PPL: variants seen among roughly 807,000 people sequenced by gnomAD.
The protein encoded by PPL is 190 kDa paraneoplastic pemphigus antigen.
In PPL, 198 loss-of-function variants were observed where a neutral mutation model predicts 194.4. The ratio of observed to expected loss-of-function variants is 1.02; its 90% CI spans 0.91 to 1.15. PPL has a LOEUF of 1.15. PPL is among the 50% of genes most tolerant of loss of function. The pLI is 0.00. For synonymous variants in PPL, 1,220 were observed against 972.4 expected (o/e 1.25, Z -4.74); for missense variants, 2,885 against 2,294.8 (o/e 1.26, Z -5.25).
At chr16:4,896,945 G>A (rs1313102804) in intron 9 of PPL, among the ~76,000 whole-genome samples, 3 of 151,950 alleles carry the variant, frequency 2.0e-5, no homozygotes, top group Admixed American at 6.6e-5. Flanking sequence ...AGGGTATAGG[G>A]TTTCTGTTTG....
intron 2 of PPL, among the ~76,000 whole-genome samples, chr16:4,905,781 A>G (rs1406424844): frequency 6.6e-6 from 1 of 152,100 alleles, no homozygotes; most frequent in East Asian, 1.9e-4. Context: ...CTGACTCCCC[A>G]GGGGGTTGGA....
In PPL at chr16:4,884,614, C is replaced by T. The variant is rs139572371; in HGVS notation, c.4041G>A (p.Lys1347=). The T allele has an allele frequency of 1.5e-5, 25 of 1,614,054 alleles. No individual in the cohort carries two copies. The African/African-American group carries it at 3.2e-4, about 21-fold the overall frequency. ...CCACCTCCTGCTGCACCACCCTTTC[C>T]TTCACCCGCGAGAGCTCCTCCTCTT... is the stretch of plus-strand genomic sequence containing the variant. ...ARKEEELSRV[K]ERVVQQEVVR... The change falls in exon 22 of 22, where the codon AAG becomes AAA. Residue 1347 remains lysine, a synonymous_variant. Coordinates refer to ENST00000345988, the MANE Select transcript of PPL (RefSeq NM_002705.5). The surrounding 1 kb of genome is among the most constrained non-coding windows in gnomAD (Gnocchi z 5.7).
chr16:4,920,333 AAGAG>A (rs1162923677), intron 1 of PPL, among the ~76,000 whole-genome samples: 8 of 73,660 alleles, frequency 1.1e-4, no homozygotes, highest in Non-Finnish European at 1.5e-4. Context: ...GAAAGAAAGA[AAGAG>A]AGAGAGAGAG....
chr16:4,885,681 A>G lies in PPL; in HGVS notation c.2974T>C (p.Tyr992His), dbSNP rs1254855794. Residue 992 changes from tyrosine (Y) to histidine (H), a missense_variant, in exon 22 of 22, where the codon TAC (tyrosine) becomes CAC (histidine). Physicochemically the swap from Tyr to His is moderately conservative, Grantham distance 83. Coordinates refer to ENST00000345988, the MANE Select transcript of PPL (RefSeq NM_002705.5). This position sits in a 1 kb window ranked among gnomAD's most constrained non-coding sequence, Gnocchi z 6.3. ...ATGCGCAGGACCTCCTTGACCACGT[A>G]CTCCTGCCCCCCGTCTCTGGTCTCC... ...EQETRDGGQE[Y>H]VVKEVLRIEP... is the part of the protein sequence containing the mutation. The G allele has an allele frequency of 1.2e-6, 2 of 1,609,128 alleles. No homozygotes were observed. Among genetic ancestry groups the G allele is most frequent in the African/African-American group, 1.4e-5 (1 of 73,184 alleles).
chr16:4,899,941 C>T (rs1253217531), intron 6 of PPL, among the ~76,000 whole-genome samples: 1 of 152,148 alleles, frequency 6.6e-6, no homozygotes, highest in East Asian at 1.9e-4. Flanking sequence ...CCCTCCACGC[C>T]TGATGAACTT....
chr16:4,885,508 C>T lies in PPL; in HGVS notation c.3147G>A (p.Gln1049=). ...AALAEEKSRA[Q]EKVTEKEVVK... ...CCACCTCTTTCTCTGTGACCTTCTCCTGCGCCCGGCTCTTCTCTTCAGCCA... is the reference window on the plus strand; with the variant it reads ...CCACCTCTTTCTCTGTGACCTTCTCTTGCGCCCGGCTCTTCTCTTCAGCCA... Residue 1049 remains glutamine (Q), a synonymous_variant, in exon 22 of 22, where the codon CAG becomes CAA. Coordinates refer to ENST00000345988, the MANE Select transcript of PPL (RefSeq NM_002705.5). The surrounding 1 kb of genome is among the most constrained non-coding windows in gnomAD (Gnocchi z 6.3). 1 of 1,611,530 alleles carries T rather than the reference C, an allele frequency of 6.2e-7. No homozygotes were observed. Among genetic ancestry groups the T allele is most frequent in the South Asian group, 1.1e-5 (1 of 91,074 alleles).
chr16:4,884,369 G>A lies in PPL; in HGVS notation c.4286C>T (p.Ala1429Val), dbSNP rs755541914. The A allele has an allele frequency of 3.7e-6, 6 of 1,611,410 alleles. No individual in the cohort carries two copies. Among genetic ancestry groups the A allele is most frequent in the Non-Finnish European group, 4.2e-6 (5 of 1,179,580 alleles). ...EVQRLQQRLAALEQEEAEARE... is the reference protein window; with the variant it reads ...EVQRLQQRLAVLEQEEAEARE... Reference sequence around the variant, plus strand: ...GGCCTCAGCTTCTTCCTGCTCCAGCGCTGCCAGCCGCTGCTGCAACCGCTG... The same window carrying A: ...GGCCTCAGCTTCTTCCTGCTCCAGCACTGCCAGCCGCTGCTGCAACCGCTG... Residue 1429 changes from alanine (A) to valine (V), a missense_variant, in exon 22 of 22, where the codon GCG (alanine) becomes GTG (valine). By Grantham distance (64) the Ala-to-Val change is moderately conservative. Transcript: ENST00000345988. This position sits in a 1 kb window ranked among gnomAD's most constrained non-coding sequence, Gnocchi z 5.7.
chr16:4,915,909 TAAC>T (rs1056985475), intron 1 of PPL, among the ~76,000 whole-genome samples: 1 of 152,194 alleles, frequency 6.6e-6, no homozygotes, highest in Admixed American at 6.5e-5. Flanking sequence ...TCTAGGCCCT[TAAC>T]AATTCCATGT....
At chr16:4,892,821 G>A (rs1596549092) in intron 14 of PPL, 1 of 177,550 alleles carries the variant, frequency 5.6e-6, no homozygotes, top group South Asian at 1.8e-4. Context: ...AGCTCACCCT[G>A]TCCTCGCCAC....
intron 1 of PPL, among the ~76,000 whole-genome samples, chr16:4,916,078 T>C (rs2088911273): frequency 6.6e-6 from 1 of 152,218 alleles, no homozygotes; most frequent in South Asian, 2.1e-4. Flanking sequence ...GTGGAGAAAT[T>C]GGAACCCTCG....
chr16:4,902,472 G>C lies in PPL; in HGVS notation c.372C>G (p.Ile124Met), dbSNP rs2088594583. ...VTNLRGKHKQ[I>M]YRLAVKEVDP... is the part of the protein sequence containing the mutation. ...CCACTTCCTTCACCGCCAGCCTGTAGATCTGCTTGTGTTTCCCGCGCAGGT... is the reference window on the plus strand; with the variant it reads ...CCACTTCCTTCACCGCCAGCCTGTACATCTGCTTGTGTTTCCCGCGCAGGT... Residue 124 changes from isoleucine (I) to methionine (M), a missense_variant, in exon 4 of 22, where the codon ATC becomes ATG. Ile to Met is a conservative substitution (Grantham distance 10, BLOSUM62 1). Transcript: ENST00000345988. The surrounding 1 kb of genome is among the most constrained non-coding windows in gnomAD (Gnocchi z 4.0). 6.2e-7 allele frequency: 1 copy of C among 1,613,924 alleles called. No homozygotes were observed. Among genetic ancestry groups the C allele is most frequent in the Non-Finnish European group, 8.5e-7 (1 of 1,179,950 alleles).
At chr16:4,935,683 G>T (rs1182841664) in intron 1 of PPL, among the ~76,000 whole-genome samples, 1 of 152,226 alleles carries the variant, frequency 6.6e-6, no homozygotes, top group Admixed American at 6.5e-5. Flanking sequence ...TTCTGAAAGG[G>T]CTGGAAGGCC....
chr16:4,892,281 G>A (rs2088335690), intron 14 of PPL, 68 bp from the exon 15 acceptor site: 1 of 1,506,810 alleles, frequency 6.6e-7, no homozygotes, highest in South Asian at 1.2e-5. Context: ...GATGTGCCCA[G>A]GGTGAGCACA....
intron 15 of PPL, 37 bp downstream of exon 15, chr16:4,891,998 C>A (rs748069425): frequency 9.9e-6 from 16 of 1,610,696 alleles, no homozygotes; most frequent in African/African-American, 1.3e-5. Flanking sequence ...GCCCCCTGAC[C>A]CCACCCCAAC....
At chr16:4,889,160 C>T (rs1017829862) in intron 18 of PPL, 99 bp from the exon 19 acceptor site, 42 of 919,606 alleles carry the variant, frequency 4.6e-5, no homozygotes, top group African/African-American at 6.8e-5. Flanking sequence ...TGAATTTATT[C>T]TTCTCTAGCA....
In PPL at chr16:4,890,729, T is replaced by G; in HGVS notation, c.2161A>C (p.Arg721=). The part of the protein sequence containing the change: ...FNNLRQQVER[R]AQSLQSAKAA... ...GGCCACCACCCACCGCACCCTCACC[T>G]GCGTTCCACCTGCTGGCGCAGGTTG... is the stretch of plus-strand genomic sequence containing the variant. The change falls in exon 17 of 22, where the codon AGG becomes CGG. Residue 721 remains arginine, a splice_region_variant and synonymous_variant. Transcript: ENST00000345988. 6.2e-7 allele frequency: 1 copy of G among 1,604,414 alleles called. No individual in the cohort carries two copies. The highest frequency in any genetic ancestry group is 8.5e-7 in the Non-Finnish European group (1 of 1,175,940).
intron 9 of PPL, among the ~76,000 whole-genome samples, chr16:4,897,307 C>A (rs1489466032): frequency 7.3e-6 from 1 of 136,774 alleles, no homozygotes; most frequent in Non-Finnish European, 1.5e-5. Flanking sequence ...TGCACTCCAG[C>A]CTGGGTGACA....
intron 1 of PPL, among the ~76,000 whole-genome samples, chr16:4,925,164 C>A (rs1256869484): frequency 6.6e-6 from 1 of 152,258 alleles, no homozygotes; most frequent in Non-Finnish European, 1.5e-5. Flanking sequence ...CCAGCCTCAC[C>A]TGTCCCAGAG....
At chr16:4,890,410 T>C in intron 17 of PPL, 76 bp from the exon 18 acceptor site, 1 of 1,455,014 alleles carries the variant, frequency 6.9e-7, no homozygotes, top group Non-Finnish European at 9.1e-7. Context: ...TTTTTTAAAG[T>C]GGGAAACAAC....
Sources: allele counts gnomAD v4.1 joint callset (sites outside exome capture counted in the v4.1 genomes callset), GRCh38; gene constraint gnomAD v4.1.1; non-coding constraint Gnocchi (gnomAD v3.1); transcripts MANE v1.5; gene names NCBI Gene and HGNC (gene_info 2026-07-23, HGNC 2026-07-21).